ACTR8: variants seen among roughly 807,000 people sequenced by gnomAD.
ACTR8 encodes the protein actin related protein 8.
In ACTR8, 70 loss-of-function variants were observed where a neutral mutation model predicts 84.3. The observed-to-expected ratio is 0.83, with a 90% CI of 0.68 to 1.01. The LOEUF (loss-of-function observed/expected upper bound fraction) is 1.01, where lower values mean the gene tolerates loss of function less well. Ranked by LOEUF, ACTR8 falls within the 50% of genes least tolerant of loss-of-function variation. The pLI is 0.00. For synonymous variants in ACTR8, 268 were observed against 275.2 expected (o/e 0.97, Z 0.26); for missense variants, 672 against 775.4 (o/e 0.87, Z 1.58).
Position 53,868,750 on chromosome 3 carries a change from A to G in ACTR8, c.1844T>C (p.Met615Thr). Residue 615 changes from methionine (M) to threonine (T), a missense_variant, in exon 13 of 13, where the codon ATG becomes ACG. Met to Thr is a moderately conservative substitution (Grantham distance 81, BLOSUM62 -1). Coordinates refer to ENST00000335754, the MANE Select transcript of ACTR8 (RefSeq NM_022899.5). ...CACAAACGCAGCCCGCTCTCGTAAC[A>G]TGCGGACACCAAAGCGCTGCCACTC... Reference protein sequence around the residue: ...QREWQRFGVRMLRERAAFVW With the variant: ...QREWQRFGVRTLRERAAFVW 2.5e-6 allele frequency: 4 copies of G among 1,614,218 alleles called. No homozygotes were observed. The highest frequency in any genetic ancestry group is 3.4e-6 in the Non-Finnish European group (4 of 1,180,030).
At chr3:53,863,149 C>T (rs545645804), downstream of ACTR8, among the ~76,000 whole-genome samples, 1 of 152,200 alleles carries the variant, frequency 6.6e-6, no homozygotes, top group East Asian at 1.9e-4. Context: ...ACATAACATG[C>T]AAAATATGTG....
At chr3:53,875,831 C>A in intron 7 of ACTR8, 117 bp downstream of exon 7, 1 of 1,450,806 alleles carries the variant, frequency 6.9e-7, no homozygotes, top group Non-Finnish European at 9.3e-7. Context: ...GTTTACCATG[C>A]AGACTTTTGA....
In ACTR8 at chr3:53,870,149, A is replaced by C; in HGVS notation, c.1568-4T>G. 1.2e-6 allele frequency: 2 copies of C among 1,611,176 alleles called. No individual in the cohort carries two copies. Among genetic ancestry groups the C allele is most frequent in the South Asian group, 2.2e-5 (2 of 90,968 alleles). On this transcript the variant is annotated splice_polypyrimidine_tract_variant and splice_region_variant and intron_variant, in intron 11 of 12. Transcript: ENST00000335754. This position sits in a 1 kb window ranked among gnomAD's most constrained non-coding sequence, Gnocchi z 4.1. ...TTCTTTTTGGTGTCGTCAGATGCTG[A>C]AAAGACAGTTGACATCCTCCATGCT...
At chr3:53,865,127 AC>A, downstream of ACTR8, 1 of 1,614,202 alleles carries the variant, frequency 6.2e-7, no homozygotes, top group Non-Finnish European at 8.5e-7. Context: ...CTGCACAAAT[AC>A]GTGGTGGTCT....
intron 4 of ACTR8, 21 bp downstream of exon 4, chr3:53,877,626 T>C (rs776324329): frequency 6.3e-7 from 1 of 1,592,944 alleles, no homozygotes; most frequent in East Asian, 2.2e-5. Context: ...TCTTTCATTC[T>C]ATTGTAAAGA....
At chr3:53,880,266 C>A (rs1700038982) in intron 1 of ACTR8, among the ~76,000 whole-genome samples, 157 bp from the exon 2 acceptor site, 1 of 152,196 alleles carries the variant, frequency 6.6e-6, no homozygotes, top group Non-Finnish European at 1.5e-5. Flanking sequence ...CCGCTCTCTA[C>A]CTAAACACAA....
intron 2 of ACTR8, among the ~76,000 whole-genome samples, chr3:53,879,394 A>G (rs1256314396): frequency 6.6e-6 from 1 of 152,208 alleles, no homozygotes; most frequent in African/African-American, 2.4e-5. Context: ...GTGGATTATG[A>G]TGTAATATAT....
Position 53,876,023 on chromosome 3 carries a change from G to C in ACTR8, c.836C>G (p.Thr279Arg), listed in dbSNP as rs111613351. The change falls in exon 7 of 13, where the codon ACG (threonine) becomes AGG (arginine). Residue 279 changes from threonine (T) to arginine (R), a missense_variant. Coordinates refer to ENST00000335754, the MANE Select transcript of ACTR8 (RefSeq NM_022899.5). The stretch of plus-strand genomic sequence containing the variant: ...CTGGTCCCCAACGTCTACAATACAC[G>C]TGCTGCTTAAGCCACTTCCATAGGT... ...CATYGSGLSS[T>R]CIVDVGDQKT... is the part of the protein sequence containing the mutation. The C allele has an allele frequency of 5.0e-6, 8 of 1,613,996 alleles. No homozygotes were observed. The highest frequency in any genetic ancestry group is 1.3e-5 in the African/African-American group (1 of 74,948).
At chr3:53,877,551 G>T in intron 4 of ACTR8, 96 bp downstream of exon 4, 2 of 1,369,146 alleles carry the variant, frequency 1.5e-6, no homozygotes, top group Non-Finnish European at 2.0e-6. Flanking sequence ...GTTATAGAAC[G>T]CTAGGAAACA....
chr3:53,867,158 A>C lies in ACTR8; in HGVS notation c.*1561T>G, dbSNP rs1699802919. On this transcript the variant is annotated 3_prime_UTR_variant, in exon 13 of 13. Transcript: ENST00000335754. ...GAAGATGGACATGGTTTAGGTCAAA[A>C]CTTGGACCAGAAACCAACTTCCTTT... 1 of 152,246 alleles carries C rather than the reference A, an allele frequency of 6.6e-6. No homozygotes were observed. The allele number at this position is 152,246 out of a possible 1,614,324, so 9.4% of individuals were successfully genotyped here.
At chr3:53,865,370 C>A, downstream of ACTR8, 1 of 1,316,218 alleles carries the variant, frequency 7.6e-7, no homozygotes, top group Non-Finnish European at 1.0e-6. Flanking sequence ...AGGGAAAAAA[C>A]GTGTGATGAT....
At chr3:53,879,846 T>C in intron 2 of ACTR8, 93 bp downstream of exon 2, 3 of 1,245,228 alleles carry the variant, frequency 2.4e-6, no homozygotes, top group Non-Finnish European at 3.3e-6. Context: ...AGCAAAGCTA[T>C]GAAGATGTTT....
chr3:53,881,528 T>C (rs1255957436), intron 1 of ACTR8: 1 of 211,700 alleles, frequency 4.7e-6, no homozygotes, highest in African/African-American at 2.4e-5. Flanking sequence ...TGAGATTTCC[T>C]TAACAAAGGA....
In ACTR8 at chr3:53,868,822, A is replaced by G; in HGVS notation, c.1772T>C (p.Val591Ala). The change falls in exon 13 of 13, where the codon GTG becomes GCG. Residue 591 changes from valine (V) to alanine (A), a missense_variant. Physicochemically the swap from Val to Ala is moderately conservative, Grantham distance 64 (BLOSUM62 0). Coordinates refer to ENST00000335754, the MANE Select transcript of ACTR8 (RefSeq NM_022899.5). The part of the protein sequence containing the change: ...PRLIAWKGGA[V>A]LACLDTTQEL... ...CTGTGTTGTATCCAAACAAGCCAAC[A>G]CTGCCCCTCCTTTCCATGCAATCAG... 4 of 1,614,194 alleles carry G rather than the reference A, an allele frequency of 2.5e-6. No individual in the cohort carries two copies. The highest frequency in any genetic ancestry group is 2.2e-5 in the South Asian group (2 of 91,084).
downstream of ACTR8, among the ~76,000 whole-genome samples, chr3:53,862,547 G>A (rs940439372): frequency 2.0e-5 from 3 of 152,178 alleles, no homozygotes; most frequent in East Asian, 1.9e-4. Context: ...AAGGTGGGGG[G>A]TGAAGGGTTT....
Position 53,870,193 on chromosome 3 carries a change from A to C in ACTR8, c.1568-48T>G. The C allele has an allele frequency of 6.3e-7, 1 of 1,590,870 alleles. No individual in the cohort carries two copies. Among genetic ancestry groups the C allele is most frequent in the Non-Finnish European group, 8.6e-7 (1 of 1,164,694 alleles). ...CCATGCTTTTTTCTCCACATCCATA[A>C]TTCTAGGCCAAGCCACCAACACCTC... is the stretch of plus-strand genomic sequence containing the variant. On this transcript the variant is annotated intron_variant, in intron 11 of 12. Transcript: ENST00000335754. The surrounding 1 kb of genome is among the most constrained non-coding windows in gnomAD (Gnocchi z 4.1).
At chr3:53,877,419 T>C (rs746361645) in intron 4 of ACTR8, 32 bp from the exon 5 acceptor site, 7 of 1,552,986 alleles carry the variant, frequency 4.5e-6, no homozygotes, top group Non-Finnish European at 4.3e-6. Context: ...GAGTACTTTG[T>C]TAAAACTTTT....
chr3:53,865,405 A>G (rs941247791), downstream of ACTR8: 6 of 909,588 alleles, frequency 6.6e-6, no homozygotes, highest in Admixed American at 2.9e-5. Context: ...TGCAGCCTAC[A>G]AACAGCCTTA....
chr3:53,864,265 G>A (rs889178991), downstream of ACTR8, among the ~76,000 whole-genome samples: 1 of 152,200 alleles, frequency 6.6e-6, no homozygotes, highest in African/African-American at 2.4e-5. Context: ...GGCAGGGTGC[G>A]GTGGCTCACG....
Sources: allele counts gnomAD v4.1 joint callset (sites outside exome capture counted in the v4.1 genomes callset), GRCh38; gene constraint gnomAD v4.1.1; non-coding constraint Gnocchi (gnomAD v3.1); transcripts MANE v1.5; gene names NCBI Gene and HGNC (gene_info 2026-07-23, HGNC 2026-07-21).